The following ASB3 variants were observed in gnomAD, a reference collection of about 807,000 sequenced individuals.
The protein encoded by ASB3 is ankyrin repeat and SOCS box protein 3.
ASB3 carries 41 observed loss-of-function variants against 54.5 expected under a neutral mutation model. The ratio of observed to expected loss-of-function variants is 0.75; its 90% confidence interval spans 0.59 to 0.98. The LOEUF (loss-of-function observed/expected upper bound fraction) is 0.98. ASB3 is among the 50% of genes least tolerant of loss of function. ASB3 has a pLI of 0.00. For missense variants in ASB3, 733 were observed against 620.0 expected (o/e 1.18, Z -1.94); for synonymous variants, 266 against 221.2 (o/e 1.20, Z -1.80).
chr2:53,786,180 G>C (rs1450889479), intron 1 of ASB3: 4 of 152,154 alleles, frequency 2.6e-5, no homozygotes, highest in Admixed American at 6.5e-5. Context: ...AAGAGGGGGA[G>C]GGAAAAACAA....
rs1361981611 is a variant in ASB3, at chr2:53,765,478, T to TTC, written c.94_95insGA (p.Lys32ArgfsTer26). 6.2e-7 allele frequency: 1 copy of TTC among 1,614,118 alleles called. No individual in the cohort carries two copies. Among genetic ancestry groups the TTC allele is most frequent in the Non-Finnish European group, 8.5e-7 (1 of 1,180,042 alleles). On this transcript the variant is annotated frameshift_variant, in exon 2 of 10. Coordinates refer to ENST00000263634, the MANE Select transcript of ASB3 (RefSeq NM_016115.5). LOFTEE classifies it high-confidence loss of function. ...ATCAGCAACATCGACACTTCGGCCC[T>TTC]TTTTGAGCAGTTTCCTTAAGACTTT...
chr2:53,680,858 C>G (rs978280026), intron 9 of ASB3, among the ~76,000 whole-genome samples: 1 of 151,964 alleles, frequency 6.6e-6, no homozygotes, highest in African/African-American at 2.4e-5. Flanking sequence ...CCATCCCCAC[C>G]TCTCACCAAC....
rs779225958 is a variant in ASB3, at chr2:53,744,384, C to CAAAAAAAAAAAAAAA, written c.355+6398_355+6399insTTTTTTTTTTTTTTT. Among the ~76,000 whole-genome samples the CAAAAAAAAAAAAAAA allele has an allele frequency of 4.1e-4, 58 of 139,906 alleles. 2 individuals carry two copies. Among genetic ancestry groups the CAAAAAAAAAAAAAAA allele is most frequent in the African/African-American group, 1.5e-3 (54 of 35,492 alleles). 91.8% of individuals were successfully genotyped at this position (139,906 alleles called of 152,430 possible). A position where few individuals can be genotyped will look rare whatever the true frequency, so the allele number is the denominator to read the frequency against. ...GGGCAGACAGAGCGAGACTCTGTCT[C>CAAAAAAAAAAAAAAA]AAAAAAATAAATAAAAAAATTAAAA... On this transcript the variant is annotated intron_variant, in intron 3 of 9. Transcript: ENST00000263634.
chr2:53,738,144 G>C (rs1005278801), intron 3 of ASB3, among the ~76,000 whole-genome samples: 6 of 152,198 alleles, frequency 3.9e-5, no homozygotes, highest in African/African-American at 1.4e-4. Context: ...GTAGAGGCCT[G>C]ATAATCACCT....
At chr2:53,737,026 T>C (rs1369984666) in intron 3 of ASB3, among the ~76,000 whole-genome samples, 1 of 152,192 alleles carries the variant, frequency 6.6e-6, no homozygotes, top group East Asian at 1.9e-4. Flanking sequence ...TTGATTTCTC[T>C]TTTTAAGATT....
intron 2 of ASB3, among the ~76,000 whole-genome samples, chr2:53,761,508 G>A (rs1673145391): frequency 6.6e-6 from 1 of 152,016 alleles, no homozygotes; most frequent in Admixed American, 6.5e-5. Context: ...TGGAGATCCT[G>A]ATCCTCAGGC....
At chr2:53,683,097 GAT>G (rs1330995383) in intron 9 of ASB3, among the ~76,000 whole-genome samples, 1 of 152,052 alleles carries the variant, frequency 6.6e-6, no homozygotes, top group African/African-American at 2.4e-5. Context: ...CTTTCACTAT[GAT>G]ATGAGCTGTG....
intron 5 of ASB3, among the ~76,000 whole-genome samples, chr2:53,728,448 A>G (rs1671128488): frequency 6.6e-6 from 1 of 152,212 alleles, no homozygotes; most frequent in Non-Finnish European, 1.5e-5. Flanking sequence ...GGACAGCCCC[A>G]TCATTCAACT....
At chr2:53,774,697 A>G (rs934039086) in intron 1 of ASB3, 1 of 508,524 alleles carries the variant, frequency 2.0e-6, no homozygotes, top group Non-Finnish European at 3.3e-6. Flanking sequence ...AGAAAAATTC[A>G]AATTTTAATA....
At chr2:53,725,284 G>C (rs1670933666) in intron 5 of ASB3, among the ~76,000 whole-genome samples, 1 of 152,190 alleles carries the variant, frequency 6.6e-6, no homozygotes, top group African/African-American at 2.4e-5. Context: ...GGGACTAATA[G>C]AGAGGGGAGG....
At chr2:53,775,745 G>C (rs1263013176) in intron 1 of ASB3, among the ~76,000 whole-genome samples, 2 of 152,238 alleles carry the variant, frequency 1.3e-5, no homozygotes, top group East Asian at 3.8e-4. Context: ...CAAAGTGCTA[G>C]GATTACAGGT....
chr2:53,725,509 A>C (rs992920360), intron 5 of ASB3, among the ~76,000 whole-genome samples: 1 of 152,264 alleles, frequency 6.6e-6, no homozygotes, highest in African/African-American at 2.4e-5. Context: ...CATTGTATAA[A>C]GATTTTTAAA....
chr2:53,765,351 G>C, intron 2 of ASB3, 26 bp downstream of exon 2: 2 of 1,613,586 alleles, frequency 1.2e-6, no homozygotes, highest in Non-Finnish European at 1.7e-6. Flanking sequence ...TGTAGGCAAA[G>C]CCTCCATACC....
intron 8 of ASB3, among the ~76,000 whole-genome samples, chr2:53,699,692 A>C (rs1245521390): frequency 6.6e-6 from 1 of 152,198 alleles, no homozygotes; most frequent in Non-Finnish European, 1.5e-5. Flanking sequence ...TTAGGACACT[A>C]ACAATTTTTG....
At chr2:53,768,096 C>A in intron 1 of ASB3, 2 of 1,536,036 alleles carry the variant, frequency 1.3e-6, no homozygotes, top group Non-Finnish European at 1.8e-6. Context: ...AGCACCCACA[C>A]CCTAGAGAAC....
At chr2:53,738,289 G>C (rs1380611949) in intron 3 of ASB3, among the ~76,000 whole-genome samples, 1 of 152,140 alleles carries the variant, frequency 6.6e-6, no homozygotes, top group Non-Finnish European at 1.5e-5. Flanking sequence ...CCACATGTTA[G>C]GGCAAAGGAG....
chr2:53,718,485 C>T (rs1275271521), intron 5 of ASB3, among the ~76,000 whole-genome samples: 1 of 152,150 alleles, frequency 6.6e-6, no homozygotes, highest in African/African-American at 2.4e-5. Flanking sequence ...TTTGTTACCA[C>T]TAGACCAGTC....
chr2:53,755,488 C>T (rs915938130), intron 2 of ASB3, among the ~76,000 whole-genome samples: 3 of 152,236 alleles, frequency 2.0e-5, no homozygotes, highest in Non-Finnish European at 2.9e-5. Context: ...TATTTCTCAA[C>T]AGCTGAGCCA....
chr2:53,746,198 G>C (rs1055322363), intron 3 of ASB3, among the ~76,000 whole-genome samples: 6 of 152,106 alleles, frequency 3.9e-5, no homozygotes, highest in Non-Finnish European at 7.3e-5. Flanking sequence ...AAGAGGCTGA[G>C]GCAGGAGGAT....
Sources: allele counts gnomAD v4.1 joint callset (sites outside exome capture counted in the v4.1 genomes callset), GRCh38; gene constraint gnomAD v4.1.1; transcripts MANE v1.5; gene names NCBI Gene and HGNC (gene_info 2026-07-23, HGNC 2026-07-21).